PHTF2: variants seen among roughly 807,000 people sequenced by gnomAD.
The protein encoded by PHTF2 is protein PHTF2.
Under a neutral mutation model 101.2 loss-of-function variants are expected in PHTF2, and 60 were observed. The ratio of observed to expected loss-of-function variants is 0.59; its 90% CI spans 0.48 to 0.73. The LOEUF (loss-of-function observed/expected upper bound fraction) is 0.73. Ranked by LOEUF, PHTF2 falls within the 30% of genes least tolerant of loss-of-function variation. The pLI, the probability that PHTF2 is intolerant of heterozygous loss-of-function variation, is 0.00. For synonymous variants in PHTF2, 311 were observed against 307.3 expected (o/e 1.01, Z -0.13); for missense variants, 747 against 908.7 (o/e 0.82, Z 2.29).
chr7:77,816,890 A>G lies in PHTF2; in HGVS notation c.-36+17919A>G, dbSNP rs927169086. Among the ~76,000 whole-genome samples, 22 of 152,200 alleles carry G rather than the reference A, an allele frequency of 1.4e-4. 1 individual carries two copies. Among genetic ancestry groups the G allele is most frequent in the Non-Finnish European group, 5.9e-5 (4 of 68,034 alleles). On this transcript the variant is annotated intron_variant, in intron 1 of 19. Coordinates refer to ENST00000416283, the Ensembl canonical transcript of PHTF2. ...TCCAGTTCCATCCATGTTGCTGCGA[A>G]TGACAGGATTTGATTCTTTTTATGG...
At chr7:77,844,218 T>C (rs1796100636) in intron 2 of PHTF2, among the ~76,000 whole-genome samples, 1 of 152,202 alleles carries the variant, frequency 6.6e-6, no homozygotes, top group Non-Finnish European at 1.5e-5. Context: ...GGTCTCAAAC[T>C]TCTGGCCTCA....
At chr7:77,867,398 C>G (rs560678500) in intron 3 of PHTF2, among the ~76,000 whole-genome samples, 3 of 151,664 alleles carry the variant, frequency 2.0e-5, no homozygotes, top group Admixed American at 6.6e-5. Flanking sequence ...TGTTTGAATT[C>G]CTGTTTATTG....
At chr7:77,805,799 T>C (rs987499885) in intron 1 of PHTF2, among the ~76,000 whole-genome samples, 3 of 152,252 alleles carry the variant, frequency 2.0e-5, no homozygotes, top group African/African-American at 7.2e-5. Context: ...TTATTGAGAC[T>C]TGTTTTATGG....
At chr7:77,886,044 G>A (rs918461581) in intron 3 of PHTF2, among the ~76,000 whole-genome samples, 1 of 152,130 alleles carries the variant, frequency 6.6e-6, no homozygotes, top group African/African-American at 2.4e-5. Context: ...CTTTAAATAT[G>A]TTTGCAAATC....
intron 3 of PHTF2, among the ~76,000 whole-genome samples, chr7:77,892,499 T>C (rs1332024418): frequency 2.0e-5 from 3 of 152,224 alleles, no homozygotes; most frequent in East Asian, 1.9e-4. Flanking sequence ...TATTTTCTTA[T>C]AATATCATTG....
At chr7:77,955,540 A>C (rs1185128070) in exon 20 of PHTF2, 1 of 152,612 alleles carries the variant, frequency 6.6e-6, no homozygotes, top group Non-Finnish European at 1.5e-5. Flanking sequence ...ACTTGTATTT[A>C]TTTGAAACAC....
intron 15 of PHTF2, 35 bp downstream of exon 14, chr7:77,940,694 C>T: frequency 1.4e-6 from 2 of 1,465,568 alleles, no homozygotes; most frequent in East Asian, 2.3e-5. Context: ...CTTTAACATG[C>T]TGGCCCTTTC....
intron 1 of PHTF2, among the ~76,000 whole-genome samples, chr7:77,803,217 CA>C (rs1314326159): frequency 6.6e-6 from 1 of 152,006 alleles, no homozygotes; most frequent in African/African-American, 2.4e-5. Context: ...ATAATCATAA[CA>C]TGATTAAATT....
At chr7:77,892,724 C>A (rs1266688499) in intron 3 of PHTF2, among the ~76,000 whole-genome samples, 1 of 152,064 alleles carries the variant, frequency 6.6e-6, no homozygotes, top group African/African-American at 2.4e-5. Context: ...TGGGTGGGAA[C>A]AATAAAGAAT....
chr7:77,868,809 G>T (rs1355983074), intron 3 of PHTF2, among the ~76,000 whole-genome samples: 1 of 152,130 alleles, frequency 6.6e-6, no homozygotes, highest in African/African-American at 2.4e-5. Flanking sequence ...ACATCTCTGA[G>T]ACTCAGTTTC....
chr7:77,807,021 CACAT>C (rs1793047075), intron 1 of PHTF2, among the ~76,000 whole-genome samples: 1 of 152,154 alleles, frequency 6.6e-6, no homozygotes, highest in African/African-American at 2.4e-5. Flanking sequence ...GATTTAAACA[CACAT>C]ACACACACAT....
At chr7:77,824,363 A>T (rs1029123118) in intron 1 of PHTF2, among the ~76,000 whole-genome samples, 29 of 152,020 alleles carry the variant, frequency 1.9e-4, no homozygotes, top group African/African-American at 7.0e-4. Flanking sequence ...AAAAGAATTG[A>T]AACTGGGTAT....
At chr7:77,817,001 C>T (rs965304708) in intron 1 of PHTF2, among the ~76,000 whole-genome samples, 1 of 152,180 alleles carries the variant, frequency 6.6e-6, no homozygotes, top group Non-Finnish European at 1.5e-5. Flanking sequence ...CATATCTTGA[C>T]TATTGTGAAT....
rs200726377 is a variant in PHTF2, at chr7:77,949,693, G to T, written c.1975G>T (p.Glu659Ter). 1 of 1,570,182 alleles carries T rather than the reference G, an allele frequency of 6.4e-7. No individual in the cohort carries two copies. Among genetic ancestry groups the T allele is most frequent in the Non-Finnish European group, 8.7e-7 (1 of 1,151,788 alleles). Residue 659 changes from glutamate (E) to a stop codon, truncating the protein, a stop_gained, in exon 17 of 20, where the codon GAG (glutamate) becomes TAG (stop). Transcript: ENST00000416283. LOFTEE classifies it high-confidence loss of function. ...ATACTTTTAGCTACTTCATGTACAC[G>T]AGATCTTCCTTGATTGTCACTACAA...
chr7:77,858,804 A>G (rs1486572373), intron 3 of PHTF2, among the ~76,000 whole-genome samples: 1 of 152,146 alleles, frequency 6.6e-6, no homozygotes, highest in Non-Finnish European at 1.5e-5. Flanking sequence ...GGTTTAATTT[A>G]TTGTGATAAT....
intron 1 of PHTF2, among the ~76,000 whole-genome samples, chr7:77,821,694 T>G (rs1167294806): frequency 6.6e-6 from 1 of 151,964 alleles, no homozygotes; most frequent in Non-Finnish European, 1.5e-5. Context: ...AGCCTGGGAA[T>G]GAATCTGTCT....
intron 7 of PHTF2, chr7:77,906,598 A>G (rs967055450): frequency 6.6e-6 from 1 of 152,228 alleles, no homozygotes; most frequent in Admixed American, 6.5e-5. Flanking sequence ...AAGAGTTCAG[A>G]TAAATAACCA....
In PHTF2 at chr7:77,895,846, T is replaced by C. The variant is rs902285710; in HGVS notation, c.216+1853T>C. 3 of 152,136 alleles carry C rather than the reference T, an allele frequency of 2.0e-5. No individual in the cohort carries two copies. In the East Asian group the frequency reaches 5.8e-4, roughly 29 times the overall value. 9.4% of individuals were successfully genotyped at this position (152,136 alleles called of 1,614,324 possible). ...TAAAGATGATACCTTGTAATAGTAA[T>C]TGAAGAATTAAAAACATAAAAACTT... is the stretch of plus-strand genomic sequence containing the variant. On this transcript the variant is annotated intron_variant, in intron 5 of 19. Coordinates refer to ENST00000416283, the Ensembl canonical transcript of PHTF2.
At chr7:77,840,754 A>C (rs1795803880) in intron 2 of PHTF2, among the ~76,000 whole-genome samples, 1 of 152,038 alleles carries the variant, frequency 6.6e-6, no homozygotes, top group Non-Finnish European at 1.5e-5. Flanking sequence ...TTGATGTTTT[A>C]GGATTGTCGT....
Sources: allele counts gnomAD v4.1 joint callset (sites outside exome capture counted in the v4.1 genomes callset), GRCh38; gene constraint gnomAD v4.1.1; transcripts MANE v1.5; gene names NCBI Gene and HGNC (gene_info 2026-07-23, HGNC 2026-07-21).